Variants in RUBCNL observed in about 807,000 individuals in gnomAD.
RUBCNL encodes rubicon like autophagy enhancer.
Under a neutral mutation model 69.5 loss-of-function variants are expected in RUBCNL, and 62 were observed. The observed-to-expected ratio is 0.89, with a 90% CI of 0.73 to 1.10. The LOEUF (loss-of-function observed/expected upper bound fraction) is 1.10, where lower values mean the gene tolerates loss of function less well. Ranked by LOEUF, RUBCNL falls within the 50% of genes least tolerant of loss-of-function variation. The pLI, the probability that RUBCNL is intolerant of heterozygous loss-of-function variation, is 0.00. For synonymous variants in RUBCNL, 291 were observed against 303.6 expected (o/e 0.96, Z 0.43); for missense variants, 768 against 798.1 (o/e 0.96, Z 0.45).
chr13:46,366,085 C>T lies in RUBCNL; in HGVS notation c.826+1957G>A, dbSNP rs557017262. Among the ~76,000 whole-genome samples the T allele has an allele frequency of 2.6e-5, 4 of 152,264 alleles. No individual in the cohort carries two copies. In the South Asian group the frequency reaches 8.3e-4, roughly 32 times the overall value. On this transcript the variant is annotated intron_variant, in intron 5 of 14. Coordinates refer to ENST00000429979, the MANE Select transcript of RUBCNL (RefSeq NM_025113.5). The stretch of plus-strand genomic sequence containing the variant: ...TAGAAACGGGACAGGAGCACAAGAC[C>T]ACAGAAGAAGGAAGAGTCCAGTATA...
Position 46,367,951 on chromosome 13 carries a change from T to C in RUBCNL, c.826+91A>G, listed in dbSNP as rs1009884927. ...AGGTTCAGGCTTCCACTGGGAGTCT[T>C]GGAATATATGCCCCGTGGATAAGGG... On this transcript the variant is annotated intron_variant, in intron 5 of 14. Transcript: ENST00000429979. 20 of 1,233,160 alleles carry C rather than the reference T, an allele frequency of 1.6e-5. No individual in the cohort carries two copies. The Admixed American group carries it at 3.6e-4, about 22-fold the overall frequency. 76.4% of individuals were successfully genotyped at this position (1,233,160 alleles called of 1,614,324 possible).
intron 1 of RUBCNL, among the ~76,000 whole-genome samples, chr13:46,379,418 C>T (rs2049071150): frequency 6.6e-6 from 1 of 152,176 alleles, no homozygotes; most frequent in Non-Finnish European, 1.5e-5. Flanking sequence ...ACTGCTTTGT[C>T]CCCAGAACCC....
rs764655857 is a variant in RUBCNL, at chr13:46,372,133, C to A, written c.343G>T (p.Ala115Ser). 1.2e-6 allele frequency: 2 copies of A among 1,613,992 alleles called. No homozygotes were observed. The highest frequency in any genetic ancestry group is 1.1e-5 in the South Asian group (1 of 91,084). The change falls in exon 3 of 15, where the codon GCT becomes TCT. Residue 115 changes from alanine (A) to serine (S), a missense_variant. By Grantham distance (99) the Ala-to-Ser change is moderately conservative. Transcript: ENST00000429979. Reference protein sequence around the residue: ...SEDTTDSVGSASPHGSSEKSS... With the variant: ...SEDTTDSVGSSSPHGSSEKSS... Reference sequence around the variant, plus strand: ...TTTTCACTCGAGCCATGGGGAGAAGCGCTGCCAACGGAGTCTGTGGTATCC... The same window carrying A: ...TTTTCACTCGAGCCATGGGGAGAAGAGCTGCCAACGGAGTCTGTGGTATCC...
At chr13:46,386,055 ACTCGG>A (rs1199454726) in intron 1 of RUBCNL, among the ~76,000 whole-genome samples, 1 of 152,140 alleles carries the variant, frequency 6.6e-6, no homozygotes, top group Non-Finnish European at 1.5e-5. Context: ...TGCTGTCTTA[ACTCGG>A]CTCCAAACAA....
Position 46,372,397 on chromosome 13 carries a change from C to G in RUBCNL, c.79G>C (p.Asp27His). Residue 27 changes from aspartate (D) to histidine (H), a missense_variant, in exon 3 of 15, where the codon GAT becomes CAT. Coordinates refer to ENST00000429979, the MANE Select transcript of RUBCNL (RefSeq NM_025113.5). ...EGISDHSGII[D>H]GSPRLLNTDH... ...GTGTTCAGGAGTCTGGGCGAACCATCAATAATGCCAGAGTGATCGCTGATC... is the reference window on the plus strand; with the variant it reads ...GTGTTCAGGAGTCTGGGCGAACCATGAATAATGCCAGAGTGATCGCTGATC... 2 of 1,613,732 alleles carry G rather than the reference C, an allele frequency of 1.2e-6. No homozygotes were observed. Among genetic ancestry groups the G allele is most frequent in the Non-Finnish European group, 1.7e-6 (2 of 1,179,780 alleles).
At chr13:46,355,810 C>T (rs980014708) in intron 10 of RUBCNL, among the ~76,000 whole-genome samples, 1 of 152,058 alleles carries the variant, frequency 6.6e-6, no homozygotes, top group African/African-American at 2.4e-5. Flanking sequence ...CCTCACAGAA[C>T]TTATAATCTA....
At chr13:46,367,445 G>A (rs1041294367) in intron 5 of RUBCNL, among the ~76,000 whole-genome samples, 7 of 152,206 alleles carry the variant, frequency 4.6e-5, no homozygotes, top group Non-Finnish European at 7.3e-5. Context: ...CATCAGCCAC[G>A]TTTATTTCCA....
chr13:46,345,638 C>G, intron 12 of RUBCNL, 38 bp from the exon 13 acceptor site: 1 of 1,607,322 alleles, frequency 6.2e-7, no homozygotes, highest in Non-Finnish European at 8.5e-7. Context: ...CAGAAACCCA[C>G]CCACACAGAG....
At chr13:46,380,854 A>C (rs114720513) in intron 1 of RUBCNL, among the ~76,000 whole-genome samples, 223 of 152,302 alleles carry the variant, frequency 1.5e-3, no homozygotes, top group African/African-American at 5.2e-3. Flanking sequence ...ACCACCACTA[A>C]ATTAACATTC....
At chr13:46,344,243 T>C (rs1267302172) in intron 14 of RUBCNL, among the ~76,000 whole-genome samples, 5 of 152,114 alleles carry the variant, frequency 3.3e-5, no homozygotes, top group African/African-American at 1.2e-4. Flanking sequence ...TACCAGGATC[T>C]CTCCCATTAA....
At chr13:46,387,963 C>G, upstream of RUBCNL, 2 of 584,440 alleles carry the variant, frequency 3.4e-6, no homozygotes, top group Non-Finnish European at 4.3e-6. Context: ...ATCCCAGCAC[C>G]TACTTTGGGA....
intron 3 of RUBCNL, 44 bp downstream of exon 3, chr13:46,371,897 G>A (rs1163631976): frequency 6.3e-7 from 1 of 1,588,820 alleles, no homozygotes; most frequent in Non-Finnish European, 8.6e-7. Flanking sequence ...GCGAAGCAAG[G>A]GTGTGAACAG....
intron 8 of RUBCNL, among the ~76,000 whole-genome samples, chr13:46,360,472 C>T (rs557815883): frequency 1.1e-4 from 17 of 152,282 alleles, no homozygotes; most frequent in African/African-American, 3.6e-4. Context: ...TACTCACAAA[C>T]GGGTATTATC....
At chr13:46,366,415 A>G (rs145916445) in intron 5 of RUBCNL, among the ~76,000 whole-genome samples, 35 of 152,330 alleles carry the variant, frequency 2.3e-4, no homozygotes, top group African/African-American at 7.5e-4. Flanking sequence ...CAATTGCTAG[A>G]AAAGAAGAGA....
At chr13:46,379,740 C>T (rs2049078491) in intron 1 of RUBCNL, among the ~76,000 whole-genome samples, 1 of 152,168 alleles carries the variant, frequency 6.6e-6, no homozygotes, top group Non-Finnish European at 1.5e-5. Context: ...CAGTAATAAA[C>T]AAATACTGAG....
At chr13:46,355,881 A>G (rs1257723649) in intron 10 of RUBCNL, among the ~76,000 whole-genome samples, 1 of 152,232 alleles carries the variant, frequency 6.6e-6, no homozygotes, top group East Asian at 1.9e-4. Context: ...TTTTAGAAAG[A>G]CTGTGCTAAG....
chr13:46,385,288 T>C, intron 1 of RUBCNL: 1 of 983,210 alleles, frequency 1.0e-6, no homozygotes, highest in Non-Finnish European at 1.2e-6. Context: ...AACTGAGTCA[T>C]CTTTCAGCTC....
rs778010754 is a variant in RUBCNL at position 46,372,353 on chromosome 13, T to C, written c.123A>G (p.Gln41=). 3.5e-5 allele frequency: 57 copies of C among 1,613,872 alleles called. No individual in the cohort carries two copies. Among genetic ancestry groups the C allele is most frequent in the African/African-American group, 1.1e-4 (8 of 74,920 alleles). The part of the protein sequence containing the change: ...RLLNTDHPPC[Q]LDIRLMRHKA... ...TGTGCCTCATGAGCCTGATGTCTAA[T>C]TGGCAAGGAGGATGGTCAGTGTTCA... The change falls in exon 3 of 15, where the codon CAA becomes CAG. Residue 41 remains glutamine (Q), a synonymous_variant. Transcript: ENST00000429979.
At chr13:46,375,254 C>T (rs547362683) in intron 2 of RUBCNL, among the ~76,000 whole-genome samples, 9 of 152,216 alleles carry the variant, frequency 5.9e-5, no homozygotes, top group Middle Eastern at 6.8e-3. Context: ...GAGAAAAGAC[C>T]GGGCGCAGTG....
Sources: allele counts gnomAD v4.1 joint callset (sites outside exome capture counted in the v4.1 genomes callset), GRCh38; gene constraint gnomAD v4.1.1; transcripts MANE v1.5; gene names NCBI Gene and HGNC (gene_info 2026-07-23, HGNC 2026-07-21).